The following SPG11 variants were observed in gnomAD, a reference collection of about 807,000 sequenced individuals.
The protein encoded by SPG11 is spatacsin.
SPG11 carries 222 observed loss-of-function variants against 274.0 expected under a neutral mutation model. The ratio of observed to expected loss-of-function variants is 0.81; its 90% CI spans 0.73 to 0.91. The LOEUF (loss-of-function observed/expected upper bound fraction) is 0.91, where lower values mean the gene tolerates loss of function less well. SPG11 is among the 40% of genes least tolerant of loss of function. SPG11 has a pLI of 0.00. For missense variants in SPG11, 3,114 were observed against 2,872.7 expected, an observed-to-expected ratio of 1.08 and a Z score of -1.92; for synonymous variants, 1,144 against 1,039.7, an observed-to-expected ratio of 1.10 and a Z score of -1.93.
At chr15:44,636,952 A>AAAAAAC (rs1567180600) in intron 7 of SPG11, among the ~76,000 whole-genome samples, 3 of 127,368 alleles carry the variant, frequency 2.4e-5, no homozygotes, top group African/African-American at 1.0e-4. Context: ...AAAAAAAAAA[A>AAAAAAC]AAAAACAAAA....
chr15:44,583,987 C>A lies in SPG11; in HGVS notation c.5693G>T (p.Cys1898Phe). 6.2e-7 allele frequency: 1 copy of A among 1,614,198 alleles called. No individual in the cohort carries two copies. Among genetic ancestry groups the A allele is most frequent in the Non-Finnish European group, 8.5e-7 (1 of 1,180,046 alleles). ...TGGATTATAAAAATGAAAATACCGG[C>A]ATACTCTACTTGCTTCATGCACACA... is the stretch of plus-strand genomic sequence containing the variant. The part of the protein sequence containing the change: ...DGCVHEASRV[C>F]RYFHFYNPDV... The change falls in exon 30 of 40, where the codon TGC becomes TTC. Residue 1898 changes from cysteine (C) to phenylalanine (F), a missense_variant. Coordinates refer to ENST00000261866, the MANE Select transcript of SPG11 (RefSeq NM_025137.4).
chr15:44,607,790 C>T (rs1417888517), intron 19 of SPG11, among the ~76,000 whole-genome samples: 3 of 152,168 alleles, frequency 2.0e-5, no homozygotes, highest in Admixed American at 2.0e-4. Flanking sequence ...TTATAGCTTT[C>T]TCACATTCTT....
In SPG11 at chr15:44,594,753, G is replaced by T. The variant is rs556195788; in HGVS notation, c.4635+506C>A. On this transcript the variant is annotated intron_variant, in intron 26 of 39. Transcript: ENST00000261866. ...CTACAACCTTACAACCTGGATGACA[G>T]AGTAGGACCCTGTCTCAAAAAACAA... Among the ~76,000 whole-genome samples the T allele has an allele frequency of 3.4e-4, 52 of 152,234 alleles. No individual in the cohort carries two copies. The South Asian group carries it at 0.011, about 32-fold the overall frequency.
rs574969503 is a variant in SPG11, at chr15:44,657,746, A to T, written c.668-450T>A. The stretch of plus-strand genomic sequence containing the variant: ...TTTGCATACTAAATTTTCATCAGAA[A>T]TACCTGATCTGTATTGAGACTTCAT... On this transcript the variant is annotated intron_variant, in intron 3 of 39. Coordinates refer to ENST00000261866, the MANE Select transcript of SPG11 (RefSeq NM_025137.4). Among the ~76,000 whole-genome samples, 10 of 152,390 alleles carry T rather than the reference A, an allele frequency of 6.6e-5. 1 individual carries two copies. The South Asian group carries it at 2.1e-3, about 32-fold the overall frequency.
At chr15:44,616,902 T>C (rs1437829741) in intron 15 of SPG11, among the ~76,000 whole-genome samples, 2 of 152,200 alleles carry the variant, frequency 1.3e-5, no homozygotes, top group Admixed American at 1.3e-4. Context: ...TCGGGTAAAA[T>C]AAATTTGCAT....
intron 19 of SPG11, among the ~76,000 whole-genome samples, chr15:44,608,171 G>C (rs921123409): frequency 5.9e-5 from 9 of 152,140 alleles, no homozygotes; most frequent in East Asian, 1.9e-4. Context: ...TAGGCAGCCT[G>C]GTTGTTAGTT....
chr15:44,594,596 G>GAAA (rs35547796), intron 26 of SPG11, among the ~76,000 whole-genome samples: 2 of 71,030 alleles, frequency 2.8e-5, no homozygotes, highest in African/African-American at 6.1e-5. Flanking sequence ...TTAAAAATGC[G>GAAA]AAAAAAAAAA....
At chr15:44,569,674 T>C (rs1279142757) in intron 34 of SPG11, among the ~76,000 whole-genome samples, 169 bp from the exon 35 acceptor site, 1 of 151,620 alleles carries the variant, frequency 6.6e-6, no homozygotes, top group Non-Finnish European at 1.5e-5. Flanking sequence ...AGGGGGCCTC[T>C]GGAGGATTCA....
chr15:44,625,455 T>G (rs554968787), intron 11 of SPG11, among the ~76,000 whole-genome samples: 1 of 152,210 alleles, frequency 6.6e-6, no homozygotes, highest in African/African-American at 2.4e-5. Context: ...AGGAAGTAAG[T>G]TCTCACGATA....
rs200049352 is a variant in SPG11, at chr15:44,569,382, A to C, written c.6585+16T>G. The C allele has an allele frequency of 6.4e-7, 1 of 1,559,866 alleles. No individual in the cohort carries two copies. The highest frequency in any genetic ancestry group is 1.2e-5 in the South Asian group (1 of 86,702). ...AGCAGTACACCCCATCCTGGAGCTC[A>C]TTACTTTGCACCTACCGGATCCAAC... On this transcript the variant is annotated intron_variant, in intron 35 of 39. Transcript: ENST00000261866.
In SPG11 at chr15:44,570,518, T is replaced by C. The variant is rs1197459214; in HGVS notation, c.6477+7A>G. 6.2e-7 allele frequency: 1 copy of C among 1,614,014 alleles called. No homozygotes were observed. Among genetic ancestry groups the C allele is most frequent in the Non-Finnish European group, 8.5e-7 (1 of 1,179,948 alleles). ...GGATGGAGACTGGGGTTGAGGGGGC[T>C]ACTTACCACCAGCCCATACTCCTCA... is the stretch of plus-strand genomic sequence containing the variant. On this transcript the variant is annotated splice_region_variant and intron_variant, in intron 34 of 39. Coordinates refer to ENST00000261866, the MANE Select transcript of SPG11 (RefSeq NM_025137.4).
chr15:44,611,916 C>T (rs983053175), intron 17 of SPG11, among the ~76,000 whole-genome samples: 1 of 150,624 alleles, frequency 6.6e-6, no homozygotes, highest in African/African-American at 2.4e-5. Context: ...TGCCATTCTC[C>T]TGCCTCAGCC....
chr15:44,613,363 A>T, intron 17 of SPG11, 67 bp downstream of exon 17: 1 of 1,015,754 alleles, frequency 9.8e-7, no homozygotes, highest in Non-Finnish European at 1.6e-6. Flanking sequence ...TCACAAGTTT[A>T]ATACCATTCA....
At chr15:44,616,013 G>A (rs1166918312) in intron 15 of SPG11, among the ~76,000 whole-genome samples, 1 of 152,056 alleles carries the variant, frequency 6.6e-6, no homozygotes, top group Non-Finnish European at 1.5e-5. Context: ...TTTTTACAAA[G>A]TTACTGTTAC....
chr15:44,569,935 T>C (rs1005021149), intron 34 of SPG11, among the ~76,000 whole-genome samples: 110 of 152,278 alleles, frequency 7.2e-4, no homozygotes, highest in African/African-American at 2.6e-3. Flanking sequence ...CTCCAACTCC[T>C]GACCTCAGGC....
chr15:44,585,983 G>GTTTTTT (rs71111868), intron 28 of SPG11, 133 bp from the exon 29 acceptor site: 20 of 337,748 alleles, frequency 5.9e-5, no homozygotes, highest in African/African-American at 1.5e-4. Context: ...ATAAAAAGCT[G>GTTTTTT]TTTTTTTTTT....
chr15:44,625,555 T>G (rs1027863098), intron 11 of SPG11, among the ~76,000 whole-genome samples: 12 of 152,220 alleles, frequency 7.9e-5, no homozygotes, highest in Non-Finnish European at 1.8e-4. Flanking sequence ...CCCCTTCATC[T>G]TCTGCCATGA....
rs2082709092 is a variant in SPG11, at chr15:44,584,111, G to A, written c.5569C>T (p.Leu1857Phe). 3 of 1,614,224 alleles carry A rather than the reference G, an allele frequency of 1.9e-6. No homozygotes were observed. Among genetic ancestry groups the A allele is most frequent in the Non-Finnish European group, 2.5e-6 (3 of 1,180,040 alleles). The change falls in exon 30 of 40, where the codon CTT becomes TTT. Residue 1857 changes from leucine to phenylalanine, a missense_variant. Coordinates refer to ENST00000261866, the MANE Select transcript of SPG11 (RefSeq NM_025137.4). The part of the protein sequence containing the change: ...AALNTSKYLE[L>F]NSLPSKETCE... ...GTCTCTTTGGATGGAAGGCTGTTAA[G>A]TTCTAAGTATTTTGATGTGTTCAGA... is the stretch of plus-strand genomic sequence containing the variant.
At chr15:44,577,381 T>C (rs1595833796) in intron 30 of SPG11, among the ~76,000 whole-genome samples, 2 of 151,292 alleles carry the variant, frequency 1.3e-5, no homozygotes. Flanking sequence ...TGTGCACCTG[T>C]AGTTCCAGCT....
Sources: gnomAD v4.1 joint callset for allele counts (sites outside exome capture counted in the v4.1 genomes callset) on GRCh38, gnomAD v4.1.1 for gene constraint, MANE v1.5 for transcripts, NCBI Gene and HGNC (gene_info 2026-07-23, HGNC 2026-07-21) for gene names.